The following DCLK1 variants were observed in gnomAD, a reference collection of about 807,000 sequenced individuals.
The protein encoded by DCLK1 is serine/threonine-protein kinase DCLK1.
DCLK1 carries 16 observed loss-of-function variants against 86.2 expected under a neutral mutation model. The observed-to-expected ratio is 0.19, with a 90% CI of 0.13 to 0.28. DCLK1 has a LOEUF of 0.28. Among genes scored for constraint, DCLK1 ranks in the 10% least tolerant of loss-of-function variants. The pLI is 1.00. For missense variants in DCLK1, 590 were observed against 940.2 expected, an observed-to-expected ratio of 0.63 and a Z score of 4.87; for synonymous variants, 369 against 370.5, an observed-to-expected ratio of 1.00 and a Z score of 0.05.
At chr13:35,801,269 T>A (rs1352694685) in intron 15 of DCLK1, among the ~76,000 whole-genome samples, 1 of 152,216 alleles carries the variant, frequency 6.6e-6, no homozygotes, top group Non-Finnish European at 1.5e-5. Flanking sequence ...TTTCATTTGC[T>A]TGGCCATTCA....
intron 4 of DCLK1, among the ~76,000 whole-genome samples, chr13:35,931,624 A>G (rs1287039193): frequency 6.6e-6 from 1 of 152,166 alleles, no homozygotes; most frequent in Non-Finnish European, 1.5e-5. Context: ...GATATTGCTG[A>G]TCAATATCTA....
chr13:35,879,816 G>A (rs1332101227), intron 4 of DCLK1, among the ~76,000 whole-genome samples: 3 of 152,104 alleles, frequency 2.0e-5, no homozygotes, highest in African/African-American at 7.2e-5. Context: ...CATGTCATTT[G>A]CACTTTTTTG....
At chr13:35,910,678 G>T (rs138897324) in intron 4 of DCLK1, among the ~76,000 whole-genome samples, 1 of 152,140 alleles carries the variant, frequency 6.6e-6, no homozygotes, top group Non-Finnish European at 1.5e-5. Context: ...CCCAGGGGCC[G>T]CTGTGGCAGC....
intron 12 of DCLK1, among the ~76,000 whole-genome samples, chr13:35,810,008 C>A (rs1215876076): frequency 6.6e-6 from 1 of 152,166 alleles, no homozygotes. Flanking sequence ...GCTGCCTCCC[C>A]TCAGTGCCCC....
At position 35,774,691 on chromosome 13, in the gene DCLK1, A is replaced by G; in HGVS notation, c.2067T>C (p.Ala689=). ...AAGVSVIATT[A]LDKERQVFRR... Reference sequence around the variant, plus strand: ...GGAAAACCTGCCTCTCCTTATCAAGAGCGGTGGTCTAGCAGGGGCATAAAA... The same window carrying G: ...GGAAAACCTGCCTCTCCTTATCAAGGGCGGTGGTCTAGCAGGGGCATAAAA... The change falls in exon 17 of 17, where the codon GCT becomes GCC. Residue 689 remains alanine (A), a synonymous_variant. Transcript: ENST00000360631. The G allele has an allele frequency of 6.2e-7, 1 of 1,612,024 alleles. No individual in the cohort carries two copies. The highest frequency in any genetic ancestry group is 8.5e-7 in the Non-Finnish European group (1 of 1,179,092).
chr13:35,957,066 A>G (rs887672870), intron 3 of DCLK1, among the ~76,000 whole-genome samples: 1 of 152,164 alleles, frequency 6.6e-6, no homozygotes, highest in Non-Finnish European at 1.5e-5. Context: ...TGAAGAACAA[A>G]GAAATGATGC....
chr13:35,932,923 C>G (rs1325583391), intron 4 of DCLK1, among the ~76,000 whole-genome samples: 1 of 152,224 alleles, frequency 6.6e-6, no homozygotes, highest in Non-Finnish European at 1.5e-5. Context: ...AGTCCACAGT[C>G]CAAAGTCTCA....
Position 35,930,625 on chromosome 13 carries a change from CAA to C in DCLK1, c.823+16731_823+16732del, listed in dbSNP as rs1317245599. Among the ~76,000 whole-genome samples, 8 of 150,816 alleles carry C rather than the reference CAA, an allele frequency of 5.3e-5. No individual in the cohort carries two copies. The South Asian group carries it at 8.3e-4, about 16-fold the overall frequency. On this transcript the variant is annotated intron_variant, in intron 4 of 16. Coordinates refer to ENST00000360631, the MANE Select transcript of DCLK1 (RefSeq NM_001330071.2). Reference sequence around the variant, plus strand: ...AAACAAACAAACAAACAAAAACAAACAAAAACAAAAAAAACAAAGCAAAAACA... The same window carrying C: ...AAACAAACAAACAAACAAAAACAAACAAACAAAAAAAACAAAGCAAAAACA...
intron 4 of DCLK1, among the ~76,000 whole-genome samples, chr13:35,898,230 T>C (rs1237016015): frequency 2.0e-5 from 3 of 152,210 alleles, no homozygotes; most frequent in Admixed American, 6.5e-5. Flanking sequence ...TGTCAATGAA[T>C]GTCTTATCCT....
chr13:35,813,755 A>G (rs996580545), intron 11 of DCLK1, among the ~76,000 whole-genome samples: 9 of 62,266 alleles, frequency 1.4e-4, no homozygotes, highest in African/African-American at 4.7e-4. Flanking sequence ...TTTTTGCTTT[A>G]AAAACCACAC....
At chr13:36,055,368 C>T (rs1433374135) in intron 3 of DCLK1, among the ~76,000 whole-genome samples, 3 of 152,194 alleles carry the variant, frequency 2.0e-5, no homozygotes, top group African/African-American at 7.2e-5. Context: ...ACCCCAGCCC[C>T]TGGGCCCTAT....
chr13:36,044,488 T>C (rs187024899), intron 3 of DCLK1, among the ~76,000 whole-genome samples: 3 of 152,254 alleles, frequency 2.0e-5, no homozygotes, highest in South Asian at 2.1e-4. Context: ...CTGAAGGAAG[T>C]GTAATTGGTA....
chr13:35,907,841 T>C (rs867337512), intron 4 of DCLK1, among the ~76,000 whole-genome samples: 2 of 140,710 alleles, frequency 1.4e-5, no homozygotes, highest in East Asian at 4.2e-4. Context: ...GAAAAAACTT[T>C]AAAAAAAAAA....
chr13:36,096,857 T>C (rs1258801880), intron 3 of DCLK1, among the ~76,000 whole-genome samples: 9 of 152,256 alleles, frequency 5.9e-5, no homozygotes, highest in Middle Eastern at 3.4e-3. Context: ...CAGTAATTAT[T>C]CCATCCTGCC....
At chr13:35,953,483 G>A (rs749220626) in intron 3 of DCLK1, among the ~76,000 whole-genome samples, 4 of 152,052 alleles carry the variant, frequency 2.6e-5, no homozygotes, top group Non-Finnish European at 5.9e-5. Context: ...TTATTCCTTT[G>A]GCTCAAGGAA....
rs1593684070 is a variant in DCLK1, at chr13:35,871,320, T to C, written c.844A>G (p.Thr282Ala). ...DESECRVVKS[T>A]SYTKIASSSR... ...GATGAAGCTATTTTGGTGTAAGAAG[T>C]GGACTTTACCACTCGACATTCTGGG... Residue 282 changes from threonine (T) to alanine (A), a missense_variant, in exon 5 of 17, where the codon ACT becomes GCT. Physicochemically the swap from Thr to Ala is moderately conservative, Grantham distance 58 (BLOSUM62 0). Coordinates refer to ENST00000360631, the MANE Select transcript of DCLK1 (RefSeq NM_001330071.2). The C allele has an allele frequency of 1.1e-5, 18 of 1,613,958 alleles. No individual in the cohort carries two copies. The East Asian group carries it at 3.1e-4, about 28-fold the overall frequency.
intron 3 of DCLK1, among the ~76,000 whole-genome samples, chr13:35,970,525 G>T (rs1397143751): frequency 6.6e-6 from 1 of 152,140 alleles, no homozygotes; most frequent in Non-Finnish European, 1.5e-5. Flanking sequence ...AACCCTCATG[G>T]GTGTGTTTAA....
intron 8 of DCLK1, among the ~76,000 whole-genome samples, chr13:35,835,411 G>A (rs1162855775): frequency 6.6e-6 from 1 of 152,214 alleles, no homozygotes; most frequent in Non-Finnish European, 1.5e-5. Context: ...ATACCGAGTG[G>A]AGGGCTTGAG....
chr13:35,807,257 A>G (rs1162045765), intron 14 of DCLK1, among the ~76,000 whole-genome samples: 1 of 152,224 alleles, frequency 6.6e-6, no homozygotes, highest in Non-Finnish European at 1.5e-5. Flanking sequence ...TACCACTTCA[A>G]CCATTTTCAA....
Sources: allele counts gnomAD v4.1 joint callset (sites outside exome capture counted in the v4.1 genomes callset), GRCh38; gene constraint gnomAD v4.1.1; transcripts MANE v1.5; gene names NCBI Gene and HGNC (gene_info 2026-07-23, HGNC 2026-07-21).